Variants in RAPGEF2 observed in about 807,000 individuals in gnomAD.
RAPGEF2 encodes PDZ domain containing guanine nucleotide exchange factor (GEF) 1.
A neutral mutation model predicts 186.7 loss-of-function variants in RAPGEF2; 54 were observed. The observed-to-expected ratio is 0.29, with a 90% confidence interval of 0.23 to 0.36. The LOEUF is 0.36. Ranked by LOEUF, RAPGEF2 falls within the 10% of genes least tolerant of loss-of-function variation. The pLI is 1.00. For synonymous variants in RAPGEF2, 712 were observed against 705.9 expected, an observed-to-expected ratio of 1.01 and a Z score of -0.14; for missense variants, 1,532 against 2,045.0, an observed-to-expected ratio of 0.75 and a Z score of 4.84.
chr4:159,104,545 A>G lies in RAPGEF2; in HGVS notation c.69+314A>G, dbSNP rs1365394042. Among the ~76,000 whole-genome samples the G allele has an allele frequency of 2.6e-4, 33 of 129,366 alleles. 1 individual carries two copies. Among genetic ancestry groups the G allele is most frequent in the African/African-American group, 1.0e-3 (32 of 31,144 alleles). 84.9% of individuals were successfully genotyped at this position (129,366 alleles called of 152,430 possible). ...GAGAGAGGGAGAGACAGAGAGAGAG[A>G]GAGAGAGAGTGTGTGTGTGTGTGTG... On this transcript the variant is annotated intron_variant, in intron 1 of 29. Transcript: ENST00000691494.
chr4:159,135,092 G>A (rs1741577192), intron 1 of RAPGEF2, among the ~76,000 whole-genome samples: 1 of 152,094 alleles, frequency 6.6e-6, no homozygotes, highest in South Asian at 2.1e-4. Context: ...TGCCCAGGCT[G>A]GAGTGCAGTG....
At chr4:159,339,041 A>T in intron 18 of RAPGEF2, 73 bp from the exon 19 acceptor site, 7 of 1,520,466 alleles carry the variant, frequency 4.6e-6, no homozygotes, top group Admixed American at 2.1e-5. Context: ...CTTTTTTCTG[A>T]TTACTTTGCT....
At chr4:159,240,330 A>AATTT (rs1753813774) in intron 5 of RAPGEF2, among the ~76,000 whole-genome samples, 1 of 17,584 alleles carries the variant, frequency 5.7e-5, no homozygotes. Context: ...CAGCATTTCT[A>AATTT]CTTTTTTTTT....
chr4:159,224,397 G>T (rs1040412325), intron 4 of RAPGEF2, among the ~76,000 whole-genome samples: 2 of 152,154 alleles, frequency 1.3e-5, no homozygotes, highest in African/African-American at 2.4e-5. Flanking sequence ...TTCTAAGAAC[G>T]TGCTTGTGGG....
chr4:159,356,969 G>T (rs534613316), intron 29 of RAPGEF2, among the ~76,000 whole-genome samples: 1 of 152,320 alleles, frequency 6.6e-6, no homozygotes, highest in South Asian at 2.1e-4. Flanking sequence ...AAGCATGTAG[G>T]ATTCTCAAAG....
chr4:159,251,852 C>T (rs1203863193), intron 7 of RAPGEF2, among the ~76,000 whole-genome samples: 1 of 151,672 alleles, frequency 6.6e-6, no homozygotes, highest in African/African-American at 2.4e-5. Context: ...CCCAGTTTGC[C>T]GCCGCGATCT....
intron 7 of RAPGEF2, among the ~76,000 whole-genome samples, chr4:159,296,307 C>A (rs1762021736): frequency 6.6e-6 from 1 of 152,098 alleles, no homozygotes; most frequent in South Asian, 2.1e-4. Context: ...ATGTCAAAGT[C>A]ATTGATGTTG....
intron 7 of RAPGEF2, among the ~76,000 whole-genome samples, chr4:159,290,261 G>A (rs1293776274): frequency 6.6e-6 from 1 of 152,178 alleles, no homozygotes; most frequent in Non-Finnish European, 1.5e-5. Flanking sequence ...GGTGAATTGA[G>A]GCTGTGTAAC....
intron 10 of RAPGEF2, among the ~76,000 whole-genome samples, chr4:159,322,932 G>A (rs1326193805): frequency 1.3e-5 from 2 of 152,024 alleles, no homozygotes; most frequent in Non-Finnish European, 2.9e-5. Context: ...ACAACACATG[G>A]GAATTATGGG....
At chr4:159,199,860 G>T (rs561136749) in intron 3 of RAPGEF2, among the ~76,000 whole-genome samples, 2 of 150,624 alleles carry the variant, frequency 1.3e-5, no homozygotes, top group South Asian at 4.1e-4. Context: ...TGAGAAACAG[G>T]TTTCTTGTGA....
At chr4:159,178,917 C>T (rs1158110732) in intron 1 of RAPGEF2, among the ~76,000 whole-genome samples, 3 of 152,120 alleles carry the variant, frequency 2.0e-5, no homozygotes, top group African/African-American at 7.2e-5. Context: ...AGGTTGTGAA[C>T]AATCACCCCC....
rs145992526 is a variant in RAPGEF2 at position 159,282,034 on chromosome 4, TG to T, written c.544-22307del. ...CTTCAATGTTCAGAACCATTTTTCC[TG>T]ATCTGTCAAATACTGTTAATGATGC... is the stretch of plus-strand genomic sequence containing the variant. On this transcript the variant is annotated intron_variant, in intron 7 of 29. Transcript: ENST00000691494. Among the ~76,000 whole-genome samples the T allele has an allele frequency of 1.0e-2, 1,516 of 152,336 alleles. 10 individuals carry two copies. Among genetic ancestry groups the T allele is most frequent in the East Asian group, 0.035 (179 of 5,182 alleles).
intron 4 of RAPGEF2, among the ~76,000 whole-genome samples, chr4:159,219,389 T>G (rs971122251): frequency 7.0e-6 from 1 of 142,150 alleles, no homozygotes; most frequent in South Asian, 2.3e-4. Flanking sequence ...GGAGTCTTGC[T>G]CTGTTGCTCA....
intron 1 of RAPGEF2, among the ~76,000 whole-genome samples, chr4:159,126,367 T>C (rs2111112171): frequency 6.6e-6 from 1 of 152,246 alleles, no homozygotes. Flanking sequence ...TGTAAAGCAA[T>C]TCATCATTCT....
chr4:159,197,485 C>G (rs1222610633), intron 3 of RAPGEF2, among the ~76,000 whole-genome samples: 1 of 152,180 alleles, frequency 6.6e-6, no homozygotes, highest in Non-Finnish European at 1.5e-5. Flanking sequence ...TGCCTGTTTT[C>G]CACATACATG....
chr4:159,197,741 T>C (rs1297481537), intron 3 of RAPGEF2, among the ~76,000 whole-genome samples: 1 of 152,228 alleles, frequency 6.6e-6, no homozygotes, highest in Non-Finnish European at 1.5e-5. Flanking sequence ...CAGCAGCTAT[T>C]CCCACTGCTC....
At position 159,296,208 on chromosome 4, in the gene RAPGEF2, G is replaced by C. The variant is rs75205539; in HGVS notation, c.544-8134G>C. On this transcript the variant is annotated intron_variant, in intron 7 of 29. Transcript: ENST00000691494. ...AGCTTCCTGAATGTTATACAGCACT[G>C]TGTCATTTATAGACACATCACTACC... Among the ~76,000 whole-genome samples, 809 of 152,276 alleles carry C rather than the reference G, an allele frequency of 5.3e-3. 5 individuals carry two copies. Among genetic ancestry groups the C allele is most frequent in the Middle Eastern group, 0.01 (3 of 294 alleles).
At chr4:159,310,230 G>A (rs956025964) in intron 8 of RAPGEF2, among the ~76,000 whole-genome samples, 1 of 152,056 alleles carries the variant, frequency 6.6e-6, no homozygotes, top group African/African-American at 2.4e-5. Context: ...TATCAAATTA[G>A]CACAGATTTT....
chr4:159,259,422 GAAGTT>G (rs1163628453), intron 7 of RAPGEF2, among the ~76,000 whole-genome samples: 1 of 152,200 alleles, frequency 6.6e-6, no homozygotes, highest in African/African-American at 2.4e-5. Context: ...CTTTTCGTTA[GAAGTT>G]AAGTGTTTTT....
Sources: allele counts gnomAD v4.1 joint callset (sites outside exome capture counted in the v4.1 genomes callset), GRCh38; gene constraint gnomAD v4.1.1; transcripts MANE v1.5; gene names NCBI Gene and HGNC (gene_info 2026-07-23, HGNC 2026-07-21).